Variants in ANKRD11 observed in about 807,000 individuals in gnomAD.
ANKRD11 encodes the protein ankyrin repeat domain-containing protein 11.
Under a neutral mutation model 195.7 loss-of-function variants are expected in ANKRD11, and 17 were observed. The observed-to-expected ratio is 0.09, with a 90% CI of 0.06 to 0.13. ANKRD11 has a LOEUF of 0.13. ANKRD11 is among the 10% of genes least tolerant of loss of function. ANKRD11 has a pLI of 1.00. For synonymous variants in ANKRD11, 1,953 were observed against 1,528.1 expected (o/e 1.28, Z -6.49); for missense variants, 3,735 against 3,566.1 (o/e 1.05, Z -1.21).
Position 89,416,662 on chromosome 16 carries a change from G to T in ANKRD11, c.-60+1622C>A, listed in dbSNP as rs1473903757. Among the ~76,000 whole-genome samples the T allele has an allele frequency of 2.0e-5, 3 of 151,236 alleles. No homozygotes were observed. The East Asian group carries it at 5.9e-4, about 30-fold the overall frequency. On this transcript the variant is annotated intron_variant, in intron 2 of 12. Coordinates refer to ENST00000301030, the MANE Select transcript of ANKRD11 (RefSeq NM_013275.6). ...AGCAGCATTTTGGCCAGGTGTGGTG[G>T]CTCACACCTGTAATCCCAGCACTTT...
At chr16:89,412,957 G>A (rs2042155959) in intron 2 of ANKRD11, among the ~76,000 whole-genome samples, 1 of 152,106 alleles carries the variant, frequency 6.6e-6, no homozygotes, top group African/African-American at 2.4e-5. Context: ...CCAGCTAAAA[G>A]CACACATGAG....
chr16:89,417,274 G>C (rs1006490714), intron 2 of ANKRD11, among the ~76,000 whole-genome samples: 4 of 152,198 alleles, frequency 2.6e-5, no homozygotes, highest in Admixed American at 6.5e-5. Context: ...CGTTTGCTGG[G>C]AGTAACAACA....
intron 1 of ANKRD11, among the ~76,000 whole-genome samples, chr16:89,443,730 T>C (rs1475791941): frequency 6.6e-6 from 1 of 152,208 alleles, no homozygotes; most frequent in Admixed American, 6.5e-5. Flanking sequence ...CTTTATTACA[T>C]GTAAAGATAC....
At chr16:89,449,209 A>C (rs2043949865) in intron 1 of ANKRD11, among the ~76,000 whole-genome samples, 1 of 151,696 alleles carries the variant, frequency 6.6e-6, no homozygotes, top group African/African-American at 2.4e-5. Flanking sequence ...AAAAAAGAAA[A>C]ATTTGCAGGC....
chr16:89,324,404 T>C, intron 2 of ANKRD11: 1 of 545,406 alleles, frequency 1.8e-6, no homozygotes, highest in Non-Finnish European at 3.2e-6. Context: ...GCTTCGTTAG[T>C]CATCAAGAAA....
At chr16:89,408,261 C>T (rs535986432) in intron 2 of ANKRD11, among the ~76,000 whole-genome samples, 17 of 152,354 alleles carry the variant, frequency 1.1e-4, no homozygotes, top group Admixed American at 7.8e-4. Context: ...AGTTCTCCAC[C>T]CTAGAGAAGT....
chr16:89,278,976 T>C (rs771215690), intron 9 of ANKRD11, 96 bp downstream of exon 9: 4 of 1,544,962 alleles, frequency 2.6e-6, no homozygotes, highest in Non-Finnish European at 3.5e-6. Flanking sequence ...TCAAGGGCCA[T>C]GAGTGGGACA....
At chr16:89,384,346 C>T (rs940981552) in intron 2 of ANKRD11, among the ~76,000 whole-genome samples, 11 of 152,236 alleles carry the variant, frequency 7.2e-5, no homozygotes, top group Admixed American at 5.9e-4. Context: ...GCCCGTCCAA[C>T]ATAGCGAAAC....
At chr16:89,278,268 C>T (rs1016853404) in intron 9 of ANKRD11, 1 of 349,086 alleles carries the variant, frequency 2.9e-6, no homozygotes. Context: ...CTCTGCCTCC[C>T]CCATGAGGAA....
intron 1 of ANKRD11, among the ~76,000 whole-genome samples, chr16:89,481,641 ATCT>A (rs1226897989): frequency 1.3e-5 from 2 of 152,312 alleles, no homozygotes; most frequent in Non-Finnish European, 1.5e-5. Flanking sequence ...CTGACACATC[ATCT>A]TCTGCCTCAA....
At chr16:89,399,066 C>CATCCCTGCATCATCCCTG (rs1479601707) in intron 2 of ANKRD11, among the ~76,000 whole-genome samples, 3 of 152,198 alleles carry the variant, frequency 2.0e-5, no homozygotes, top group African/African-American at 7.2e-5. Flanking sequence ...AGTGTTGCCT[C>CATCCCTGCATCATCCCTG]AACAGAAACT....
chr16:89,455,611 G>C (rs1282610368), intron 1 of ANKRD11, among the ~76,000 whole-genome samples: 3 of 152,116 alleles, frequency 2.0e-5, no homozygotes, highest in South Asian at 4.1e-4. Context: ...AACAAGCAGA[G>C]AACGCCTAAT....
intron 1 of ANKRD11, chr16:89,422,302 G>C (rs1471174926): frequency 2.0e-5 from 3 of 152,032 alleles, no homozygotes; most frequent in Non-Finnish European, 2.9e-5. Flanking sequence ...GAGCGACTGA[G>C]ACCCTAAGAA....
At chr16:89,404,026 T>C (rs1421043967) in intron 2 of ANKRD11, among the ~76,000 whole-genome samples, 1 of 152,230 alleles carries the variant, frequency 6.6e-6, no homozygotes, top group Non-Finnish European at 1.5e-5. Flanking sequence ...CTCAGAACTA[T>C]GGCAAACTTA....
intron 3 of ANKRD11, chr16:89,313,473 A>G (rs1212679240): frequency 1.6e-6 from 2 of 1,289,190 alleles, no homozygotes; most frequent in African/African-American, 1.5e-5. Context: ...TGGTGCAGCC[A>G]AAGGGACACG....
intron 1 of ANKRD11, among the ~76,000 whole-genome samples, chr16:89,465,505 G>A (rs1277528863): frequency 6.6e-6 from 1 of 152,134 alleles, no homozygotes; most frequent in Non-Finnish European, 1.5e-5. Context: ...GTGCCACACC[G>A]CCCGCCCGCA....
chr16:89,451,016 TAA>T (rs1209126132), intron 1 of ANKRD11, among the ~76,000 whole-genome samples: 2 of 152,192 alleles, frequency 1.3e-5, no homozygotes, highest in Non-Finnish European at 2.9e-5. Context: ...ACTGTTTCTG[TAA>T]AGTTTTAGTT....
At chr16:89,319,250 C>T (rs567677936) in intron 2 of ANKRD11, among the ~76,000 whole-genome samples, 6 of 152,290 alleles carry the variant, frequency 3.9e-5, no homozygotes, top group Non-Finnish European at 7.4e-5. Flanking sequence ...GTCTGGGCCC[C>T]GACAGTGCGG....
chr16:89,322,862 T>C (rs2037416341), intron 2 of ANKRD11, among the ~76,000 whole-genome samples: 1 of 152,224 alleles, frequency 6.6e-6, no homozygotes, highest in Non-Finnish European at 1.5e-5. Context: ...TGTTTGTTTG[T>C]TTGTTTGAGA....
Sources: gnomAD v4.1 joint callset for allele counts (sites outside exome capture counted in the v4.1 genomes callset) on GRCh38, gnomAD v4.1.1 for gene constraint, MANE v1.5 for transcripts, NCBI Gene and HGNC (gene_info 2026-07-23, HGNC 2026-07-21) for gene names.